LRRC31: variants seen among roughly 807,000 people sequenced by gnomAD.
LRRC31 encodes leucine rich repeat containing 31, also known as leucine-rich repeat-containing protein 31.
LRRC31 carries 35 observed loss-of-function variants against 46.7 expected under a neutral mutation model. The observed-to-expected ratio is 0.75, with a 90% confidence interval of 0.57 to 0.99. LRRC31 has a LOEUF of 0.99. Among genes scored for constraint, LRRC31 ranks in the 50% least tolerant of loss-of-function variants. LRRC31 has a pLI of 0.00. For synonymous variants in LRRC31, 236 were observed against 235.1 expected (o/e 1.00, Z -0.03); for missense variants, 613 against 626.1 (o/e 0.98, Z 0.22).
In LRRC31 at chr3:169,856,425, C is replaced by G; in HGVS notation, c.734G>C (p.Ser245Thr). 1.9e-6 allele frequency: 3 copies of G among 1,607,462 alleles called. No individual in the cohort carries two copies. Among genetic ancestry groups the G allele is most frequent in the Non-Finnish European group, 2.6e-6 (3 of 1,176,370 alleles). ...GGTGCTTTTTAATCCCTGAGCAATA[C>G]TGTTCAGACTGCCAACAATGTCTCT... ...INRDIVGSLN[S>T]IAQGLKSTSN... is the part of the protein sequence containing the mutation. Residue 245 changes from serine to threonine, a missense_variant, in exon 5 of 9, where the codon AGT becomes ACT. Physicochemically the swap from Ser to Thr is moderately conservative, Grantham distance 58. Transcript: ENST00000316428.
chr3:169,862,292 G>A (rs190070951), intron 1 of LRRC31, among the ~76,000 whole-genome samples: 1 of 152,188 alleles, frequency 6.6e-6, no homozygotes, highest in Non-Finnish European at 1.5e-5. Flanking sequence ...AATTCTTGCC[G>A]GTCAGTTTCT....
intron 8 of LRRC31, among the ~76,000 whole-genome samples, chr3:169,843,535 A>C (rs1780514118): frequency 6.6e-6 from 1 of 152,198 alleles, no homozygotes; most frequent in African/African-American, 2.4e-5. Flanking sequence ...TGCATTATTC[A>C]TTTGGGTGAT....
intron 3 of LRRC31, among the ~76,000 whole-genome samples, chr3:169,857,809 C>T (rs1406824553): frequency 6.6e-6 from 1 of 152,124 alleles, no homozygotes; most frequent in Admixed American, 6.5e-5. Flanking sequence ...ATGGTTTATT[C>T]ATTCCATGGA....
chr3:169,856,623 G>A, intron 4 of LRRC31, 82 bp downstream of exon 4: 1 of 1,445,332 alleles, frequency 6.9e-7, no homozygotes, highest in South Asian at 1.5e-5. Context: ...TTTAAATTCA[G>A]AATAAGACAA....
chr3:169,845,592 C>A (rs1236988433), intron 8 of LRRC31, among the ~76,000 whole-genome samples: 3 of 152,036 alleles, frequency 2.0e-5, no homozygotes, highest in Non-Finnish European at 2.9e-5. Context: ...AATATAAAGG[C>A]AAATCAATGG....
At chr3:169,855,949 C>G (rs995987027) in intron 5 of LRRC31, among the ~76,000 whole-genome samples, 2 of 151,924 alleles carry the variant, frequency 1.3e-5, no homozygotes, top group African/African-American at 4.8e-5. Context: ...TCACCCACAT[C>G]GGCTCGCTGC....
At chr3:169,843,686 G>T (rs1576780416) in intron 8 of LRRC31, among the ~76,000 whole-genome samples, 1 of 152,160 alleles carries the variant, frequency 6.6e-6, no homozygotes, top group Admixed American at 6.6e-5. Context: ...AAATTAACAT[G>T]TTACACAGCA....
At chr3:169,856,568 G>C in intron 4 of LRRC31, 65 bp from the exon 5 acceptor site, 1 of 1,374,434 alleles carries the variant, frequency 7.3e-7, no homozygotes, top group African/African-American at 1.5e-5. Context: ...ACATCACCTG[G>C]GGATATCGTG....
chr3:169,869,483 C>T, intron 1 of LRRC31, 150 bp downstream of exon 1: 1 of 496,146 alleles, frequency 2.0e-6, no homozygotes, highest in Non-Finnish European at 3.3e-6. Flanking sequence ...GATTATTAGG[C>T]ATTGCATGCC....
At chr3:169,854,777 CAA>C (rs1369222313) in intron 6 of LRRC31, 34 bp downstream of exon 6, 2 of 1,530,360 alleles carry the variant, frequency 1.3e-6, no homozygotes, top group Non-Finnish European at 1.8e-6. Flanking sequence ...GCCAAGATTC[CAA>C]AAGTCTTTCC....
rs1780379779 is a variant in LRRC31, at chr3:169,839,366, A to T, written c.*616T>A. ...ATGTCAGTGACTATCATTACTGTTC[A>T]TGGTTTATATCTGAGATAAAAGGCA... On this transcript the variant is annotated 3_prime_UTR_variant, in exon 9 of 9. Coordinates refer to ENST00000316428, the MANE Select transcript of LRRC31 (RefSeq NM_024727.4). 1 of 152,226 alleles carries T rather than the reference A, an allele frequency of 6.6e-6. No homozygotes were observed. The highest frequency in any genetic ancestry group is 2.4e-5 in the African/African-American group (1 of 41,464). The allele number at this position is 152,226 out of a possible 1,614,324, so 9.4% of individuals were successfully genotyped here.
intron 8 of LRRC31, among the ~76,000 whole-genome samples, chr3:169,847,194 T>C (rs1374739015): frequency 6.6e-6 from 1 of 152,208 alleles, no homozygotes; most frequent in Non-Finnish European, 1.5e-5. Flanking sequence ...TTGTTTTGTT[T>C]TGTTTTTTGA....
At position 169,840,130 on chromosome 3, in the gene LRRC31, T is replaced by C. The variant is rs749401712; in HGVS notation, c.1511A>G (p.His504Arg). The C allele has an allele frequency of 1.2e-6, 2 of 1,614,130 alleles. No homozygotes were observed. Among genetic ancestry groups the C allele is most frequent in the Non-Finnish European group, 1.7e-6 (2 of 1,180,028 alleles). The stretch of plus-strand genomic sequence containing the variant: ...AAGCTTGGTCACAGCATATAACAAG[T>C]GTCTAAACCATTGTCCACAATCTCG... ...NFRDCGQWFR[H>R]LLYAVTKLPQ... Residue 504 changes from histidine (H) to arginine (R), a missense_variant, in exon 9 of 9, where the codon CAC becomes CGC. Transcript: ENST00000316428.
At position 169,848,077 on chromosome 3, in the gene LRRC31, T is replaced by A. The variant is rs765475317; in HGVS notation, c.1327+43A>T. The A allele has an allele frequency of 2.5e-6, 4 of 1,586,612 alleles. No homozygotes were observed. The Admixed American group carries it at 5.1e-5, about 20-fold the overall frequency. On this transcript the variant is annotated intron_variant, in intron 8 of 8. Transcript: ENST00000316428. Reference sequence around the variant, plus strand: ...GGTGCTTTGCAGGGGCCGCACCCACTGCTCTGTTTGCCAAGACCGCTTGGG... The same window carrying A: ...GGTGCTTTGCAGGGGCCGCACCCACAGCTCTGTTTGCCAAGACCGCTTGGG...
At chr3:169,859,400 G>A (rs1295056628) in intron 3 of LRRC31, among the ~76,000 whole-genome samples, 3 of 152,150 alleles carry the variant, frequency 2.0e-5, no homozygotes, top group East Asian at 1.9e-4. Context: ...GGCATGGGCC[G>A]GGGGACGTCA....
Position 169,840,283 on chromosome 3 carries a change from T to C in LRRC31, c.1358A>G (p.Lys453Arg), listed in dbSNP as rs748743325. Residue 453 changes from lysine to arginine, a missense_variant, in exon 9 of 9, where the codon AAA (lysine) becomes AGA (arginine). Transcript: ENST00000316428. ...ASVIQTGHLA[K>R]LQKLDLSYND... Reference sequence around the variant, plus strand: ...GTAGCTCAGGTCCAGCTTTTGCAGTTTGGCCAGATGACCCGTCTGTATGAC... The same window carrying C: ...GTAGCTCAGGTCCAGCTTTTGCAGTCTGGCCAGATGACCCGTCTGTATGAC... 1.9e-6 allele frequency: 3 copies of C among 1,614,132 alleles called. No homozygotes were observed. The highest frequency in any genetic ancestry group is 2.5e-6 in the Non-Finnish European group (3 of 1,180,018).
At chr3:169,844,413 A>G (rs1288048061) in intron 8 of LRRC31, among the ~76,000 whole-genome samples, 1 of 152,160 alleles carries the variant, frequency 6.6e-6, no homozygotes, top group East Asian at 1.9e-4. Flanking sequence ...CGTTATAAGA[A>G]CTCTTAGCAA....
At chr3:169,840,833 C>G (rs1780426300) in intron 8 of LRRC31, among the ~76,000 whole-genome samples, 1 of 152,212 alleles carries the variant, frequency 6.6e-6, no homozygotes, top group African/African-American at 2.4e-5. Context: ...CATATCAGTA[C>G]TACCTACAAT....
At chr3:169,860,145 AAAAAAT>A (rs1457960348) in intron 3 of LRRC31, among the ~76,000 whole-genome samples, 2 of 152,108 alleles carry the variant, frequency 1.3e-5, no homozygotes, top group Admixed American at 6.5e-5. Context: ...CTCCATCTCA[AAAAAAT>A]AAAAATAAAA....
Sources: allele counts gnomAD v4.1 joint callset (sites outside exome capture counted in the v4.1 genomes callset), GRCh38; gene constraint gnomAD v4.1.1; transcripts MANE v1.5; gene names NCBI Gene and HGNC (gene_info 2026-07-23, HGNC 2026-07-21).